DACH2: variants seen among roughly 807,000 people sequenced by gnomAD.
DACH2 encodes dachshund family transcription factor 2.
DACH2 carries 17 observed loss-of-function variants against 35.8 expected under a neutral mutation model. The ratio of observed to expected loss-of-function variants is 0.48; its 90% CI spans 0.33 to 0.71. DACH2 has a LOEUF of 0.71. Ranked by LOEUF, DACH2 falls within the 30% of genes least tolerant of loss-of-function variation. DACH2 has a pLI of 0.02. For synonymous variants in DACH2, 195 were observed against 177.3 expected, an observed-to-expected ratio of 1.10 and a Z score of -0.79; for missense variants, 469 against 472.7, an observed-to-expected ratio of 0.99 and a Z score of 0.07.
intron 3 of DACH2, among the ~76,000 whole-genome samples, chrX:86,566,840 G>A (rs1182373128): frequency 9.0e-6 from 1 of 111,231 alleles, no homozygotes; most frequent in Non-Finnish European, 1.9e-5. Flanking sequence ...ACTCAAAGCA[G>A]ATATTATCCT....
intron 7 of DACH2, among the ~76,000 whole-genome samples, chrX:86,802,201 T>C (rs766602909): frequency 9.0e-6 from 1 of 111,476 alleles, no homozygotes; most frequent in South Asian, 3.8e-4. Flanking sequence ...AACTTTAGCA[T>C]CAATTGGGCA....
intron 2 of DACH2, among the ~76,000 whole-genome samples, chrX:86,473,687 G>A (rs2037795149): frequency 9.0e-6 from 1 of 111,267 alleles, no homozygotes; most frequent in Admixed American, 9.6e-5. Flanking sequence ...CCATGTTGTT[G>A]CAAATGACAA....
At chrX:86,321,120 C>T (rs2035007803) in intron 1 of DACH2, among the ~76,000 whole-genome samples, 1 of 111,339 alleles carries the variant, frequency 9.0e-6, no homozygotes, top group South Asian at 3.8e-4. Flanking sequence ...CAGAGCTGAG[C>T]TTTAGATTTT....
At chrX:86,787,348 G>T (rs185811621) in intron 7 of DACH2, among the ~76,000 whole-genome samples, 56 of 111,663 alleles carry the variant, frequency 5.0e-4, no homozygotes, top group African/African-American at 1.8e-3. Context: ...ATCCAGGGGT[G>T]GTGGCTCAGG....
intron 1 of DACH2, among the ~76,000 whole-genome samples, chrX:86,366,929 G>A (rs772602689): frequency 2.0e-4 from 22 of 110,880 alleles, no homozygotes; most frequent in Admixed American, 6.8e-4. Context: ...AGAAATGTGA[G>A]CCAAATAAAC....
chrX:86,359,084 CGTGT>C lies in DACH2; in HGVS notation c.489-17713_489-17710del, dbSNP rs1556037574. ...GAGAAATAGAACCATTATATTTTGT[CGTGT>C]GTGTGTGTGTGTGTGTGTGTGTGTG... On this transcript the variant is annotated intron_variant, in intron 1 of 11. Coordinates refer to ENST00000373125, the MANE Select transcript of DACH2 (RefSeq NM_053281.3). 3.5e-3 allele frequency among the ~76,000 whole-genome samples: 347 copies of C among 98,511 alleles called. 5 individuals carry two copies. The highest frequency in any genetic ancestry group is 0.013 in the East Asian group (36 of 2,796). 85.5% of individuals were successfully genotyped at this position (98,511 alleles called of 115,157 possible).
intron 1 of DACH2, among the ~76,000 whole-genome samples, chrX:86,306,679 A>C (rs1038638804): frequency 2.7e-5 from 3 of 111,819 alleles, no homozygotes; most frequent in Non-Finnish European, 5.6e-5. Flanking sequence ...TTGGACTCCA[A>C]GTTCTTCAAT....
intron 1 of DACH2, among the ~76,000 whole-genome samples, chrX:86,279,130 A>C: frequency 8.9e-6 from 1 of 112,245 alleles, no homozygotes; most frequent in Non-Finnish European, 1.9e-5. Flanking sequence ...AGCAGACTTA[A>C]GCATTCCTGC....
At chrX:86,395,870 C>T (rs1456309125) in intron 2 of DACH2, among the ~76,000 whole-genome samples, 3 of 111,526 alleles carry the variant, frequency 2.7e-5, no homozygotes, top group Non-Finnish European at 5.7e-5. Context: ...GTCTTTATAG[C>T]AGCATGATTT....
intron 3 of DACH2, among the ~76,000 whole-genome samples, chrX:86,568,074 A>C (rs940031268): frequency 4.5e-5 from 5 of 111,679 alleles, no homozygotes; most frequent in Non-Finnish European, 9.4e-5. Context: ...ATACTGTATT[A>C]TTACAATGGT....
chrX:86,816,374 G>C (rs1310410353), intron 11 of DACH2, among the ~76,000 whole-genome samples: 1 of 111,588 alleles, frequency 9.0e-6, no homozygotes, highest in Non-Finnish European at 1.9e-5. Flanking sequence ...GCTGTAAAAA[G>C]AATACACATT....
Position 86,148,984 on chromosome X carries a change from G to A in DACH2, c.364G>A (p.Val122Met). ...KLKRLDISPV[V>M]CTVEQVRILR... is the part of the protein sequence containing the mutation. ...GAAGAGACTGGATATATCCCCCGTG[G>A]TGTGTACTGTTGAGCAGGTCCGGAT... Residue 122 changes from valine (V) to methionine (M), a missense_variant, in exon 1 of 12, where the codon GTG becomes ATG. Val to Met is a conservative substitution (Grantham distance 21). Around this residue, in one of 3 missense-constraint regions of DACH2, gnomAD observed 99 missense variants for 114.3 expected, o/e 0.87. Transcript: ENST00000373125. 8.3e-7 allele frequency: 1 copy of A among 1,211,523 alleles called. No individual in the cohort carries two copies. The highest frequency in any genetic ancestry group is 1.1e-6 in the Non-Finnish European group (1 of 895,515).
At chrX:86,334,347 A>T (rs776354567) in intron 1 of DACH2, among the ~76,000 whole-genome samples, 97 of 112,181 alleles carry the variant, frequency 8.6e-4, no homozygotes, top group African/African-American at 3.1e-3. Flanking sequence ...GTCTTCCATG[A>T]TGGTTGAACT....
intron 6 of DACH2, among the ~76,000 whole-genome samples, chrX:86,739,173 C>A (rs1040963019): frequency 5.4e-5 from 6 of 111,837 alleles, no homozygotes; most frequent in Admixed American, 3.8e-4. Context: ...CATGCCCAGC[C>A]TATTAAAATA....
intron 6 of DACH2, among the ~76,000 whole-genome samples, chrX:86,726,383 G>C (rs902443795): frequency 9.0e-6 from 1 of 111,453 alleles, no homozygotes; most frequent in Non-Finnish European, 1.9e-5. Flanking sequence ...TAACCAGAGA[G>C]AGTGGTGCAC....
intron 3 of DACH2, among the ~76,000 whole-genome samples, chrX:86,530,064 AC>A (rs2038696229): frequency 9.1e-6 from 1 of 109,472 alleles, no homozygotes; most frequent in African/African-American, 3.3e-5. Flanking sequence ...ATATCTATTG[AC>A]TTTTTTGTGA....
At chrX:86,704,260 T>C (rs2041182157) in intron 5 of DACH2, among the ~76,000 whole-genome samples, 1 of 111,555 alleles carries the variant, frequency 9.0e-6, no homozygotes, top group Non-Finnish European at 1.9e-5. Flanking sequence ...AGAATGAAAC[T>C]AGATCCTTGT....
intron 2 of DACH2, among the ~76,000 whole-genome samples, chrX:86,490,422 T>TA (rs756213473): frequency 2.2e-4 from 24 of 111,496 alleles, no homozygotes; most frequent in Non-Finnish European, 4.3e-4. Flanking sequence ...ATCTTAGAGC[T>TA]ATGTGTTATC....
At chrX:86,543,440 G>A (rs1445420464) in intron 3 of DACH2, among the ~76,000 whole-genome samples, 2 of 111,575 alleles carry the variant, frequency 1.8e-5, no homozygotes, top group African/African-American at 3.3e-5. Context: ...ACCTCCAAAC[G>A]ACTGCACTAG....
Sources: allele counts gnomAD v4.1 joint callset (sites outside exome capture counted in the v4.1 genomes callset), GRCh38; gene constraint gnomAD v4.1.1; regional missense constraint gnomAD v4.1.1; transcripts MANE v1.5; gene names NCBI Gene and HGNC (gene_info 2026-07-23, HGNC 2026-07-21).